The following KLHL26 variants were observed in gnomAD, a reference collection of about 807,000 sequenced individuals.
KLHL26 encodes the protein kelch-like protein 26.
Under a neutral mutation model 7.1 loss-of-function variants are expected in KLHL26, and 4 were observed. The observed-to-expected ratio is 0.56, with a 90% CI of 0.28 to 1.28. KLHL26 has a LOEUF of 1.28. Among genes scored for constraint, KLHL26 ranks in the 50% most tolerant of loss-of-function variants. The pLI is 0.11. For missense variants in KLHL26, 896 were observed against 924.6 expected (o/e 0.97, Z 0.40); for synonymous variants, 465 against 414.1 (o/e 1.12, Z -1.49).
chr19:18,666,178 G>A (rs1238045684), intron 2 of KLHL26, among the ~76,000 whole-genome samples: 1 of 152,190 alleles, frequency 6.6e-6, no homozygotes, highest in Non-Finnish European at 1.5e-5. Flanking sequence ...AGCTGGCAGC[G>A]TACTTACTGC....
rs2052504138 is a variant in KLHL26 at position 18,669,543 on chromosome 19, G to A, written c.*298G>A. The stretch of plus-strand genomic sequence containing the variant: ...CCCGAGTCCCCACGGGCTGGCGGGT[G>A]GAATCCCAGGTCTCCAGGGGGTCCC... On this transcript the variant is annotated 3_prime_UTR_variant, in exon 3 of 3. Transcript: ENST00000300976. The A allele has an allele frequency of 5.3e-6, 3 of 560,806 alleles. No individual in the cohort carries two copies. Among genetic ancestry groups the A allele is most frequent in the Admixed American group, 3.4e-5 (1 of 29,088 alleles). The allele number at this position is 560,806 out of a possible 1,614,324, so 34.7% of individuals were successfully genotyped here. A position where few individuals can be genotyped will look rare whatever the true frequency, so the allele number is the denominator to read the frequency against.
rs1460997342 is a variant in KLHL26, at chr19:18,668,580, C to T, written c.1183C>T (p.Arg395Cys). The change falls in exon 3 of 3, where the codon CGC becomes TGC. Residue 395 changes from arginine to cysteine, a missense_variant. Transcript: ENST00000300976. ...CGACCCCCACCTGAATCGCTGGCTG[C>T]GCCTGCAGGCCATGCAGGAAAGCCG... ...RYDPHLNRWL[R>C]LQAMQESRIQ... The T allele has an allele frequency of 1.6e-5, 26 of 1,590,422 alleles. No individual in the cohort carries two copies. The highest frequency in any genetic ancestry group is 2.2e-5 in the East Asian group (1 of 44,560).
intron 1 of KLHL26, among the ~76,000 whole-genome samples, chr19:18,638,658 G>T (rs1976660149): frequency 6.6e-6 from 1 of 152,204 alleles, no homozygotes. Context: ...CCCTGCCTTG[G>T]GCACTGGAGT....
chr19:18,654,800 C>T (rs2052313017), intron 1 of KLHL26, among the ~76,000 whole-genome samples: 1 of 152,158 alleles, frequency 6.6e-6, no homozygotes, highest in African/African-American at 2.4e-5. Flanking sequence ...CATCTACCCA[C>T]CCATTCATCT....
rs1199525168 is a variant in KLHL26, at chr19:18,669,127, T to A, written c.1730T>A (p.Ile577Asn). Residue 577 changes from isoleucine (I) to asparagine (N), a missense_variant, in exon 3 of 3, where the codon ATC becomes AAC. By Grantham distance (149) the Ile-to-Asn change is moderately radical. Transcript: ENST00000300976. The stretch of plus-strand genomic sequence containing the variant: ...TGGCGTCTCAACAACGTCACGGGCA[T>A]CGTACAGGTGTACAACACGGACACC... Reference protein sequence around the residue: ...YNWRLNNVTGIVQVYNTDTDE... With the variant: ...YNWRLNNVTGNVQVYNTDTDE... 22 of 1,612,784 alleles carry A rather than the reference T, an allele frequency of 1.4e-5. No homozygotes were observed. The highest frequency in any genetic ancestry group is 1.9e-5 in the Non-Finnish European group (22 of 1,179,976).
rs180956581 is a variant in KLHL26, at chr19:18,668,180, G to C, written c.783G>C (p.Leu261=). Residue 261 remains leucine (L), a synonymous_variant, in exon 3 of 3, where the codon CTG becomes CTC. Coordinates refer to ENST00000300976, the MANE Select transcript of KLHL26 (RefSeq NM_018316.3). The part of the protein sequence containing the change: ...IRFPLMQSSE[L]VDSVQTLDIM... ...TCCCGCTCATGCAGTCGTCCGAGCTGGTGGACAGCGTGCAGACGCTGGACA... is the reference window on the plus strand; with the variant it reads ...TCCCGCTCATGCAGTCGTCCGAGCTCGTGGACAGCGTGCAGACGCTGGACA... 1 of 1,610,956 alleles carries C rather than the reference G, an allele frequency of 6.2e-7. No homozygotes were observed. The highest frequency in any genetic ancestry group is 1.3e-5 in the African/African-American group (1 of 75,046).
At position 18,668,855 on chromosome 19, in the gene KLHL26, C is replaced by G. The variant is rs773088615; in HGVS notation, c.1458C>G (p.Asp486Glu). Reference protein sequence around the residue: ...KALHCYDPVADQWEFKAPMSE... With the variant: ...KALHCYDPVAEQWEFKAPMSE... Reference sequence around the variant, plus strand: ...TGCACTGCTACGACCCCGTGGCCGACCAGTGGGAGTTCAAGGCGCCCATGA... The same window carrying G: ...TGCACTGCTACGACCCCGTGGCCGAGCAGTGGGAGTTCAAGGCGCCCATGA... The change falls in exon 3 of 3, where the codon GAC (aspartate) becomes GAG (glutamate). Residue 486 changes from aspartate (D) to glutamate (E), a missense_variant. Asp to Glu is a conservative substitution (Grantham distance 45). Coordinates refer to ENST00000300976, the MANE Select transcript of KLHL26 (RefSeq NM_018316.3). 6.3e-7 allele frequency: 1 copy of G among 1,592,894 alleles called. No individual in the cohort carries two copies. Among genetic ancestry groups the G allele is most frequent in the Non-Finnish European group, 8.5e-7 (1 of 1,175,332 alleles).
At chr19:18,639,786 A>G (rs985453440) in intron 1 of KLHL26, among the ~76,000 whole-genome samples, 4 of 151,578 alleles carry the variant, frequency 2.6e-5, no homozygotes, top group Non-Finnish European at 5.9e-5. Flanking sequence ...TGCTTCCATC[A>G]CCCCAAAGAG....
chr19:18,643,547 C>T (rs190893788), intron 1 of KLHL26, among the ~76,000 whole-genome samples: 16 of 151,882 alleles, frequency 1.1e-4, no homozygotes, highest in African/African-American at 2.7e-4. Context: ...GGCATGATCT[C>T]GGTTCACCAA....
intron 1 of KLHL26, among the ~76,000 whole-genome samples, chr19:18,640,096 T>G (rs1274742324): frequency 6.6e-6 from 1 of 151,640 alleles, no homozygotes; most frequent in Non-Finnish European, 1.5e-5. Context: ...GTTGATGGAC[T>G]GTTGGGTTGT....
chr19:18,650,880 G>T lies in KLHL26; in HGVS notation c.84-13381G>T, dbSNP rs566040902. On this transcript the variant is annotated intron_variant, in intron 1 of 2. Transcript: ENST00000300976. The surrounding 1 kb of genome is among the most constrained non-coding windows in gnomAD (Gnocchi z 4.2). ...ACTCGCCCTCAGAATGGCCCTCAGC[G>T]GGGCTTCCTGACCCCTCAGCCCCGG... Among the ~76,000 whole-genome samples the T allele has an allele frequency of 2.6e-5, 4 of 152,246 alleles. No homozygotes were observed. The highest frequency in any genetic ancestry group is 9.6e-5 in the African/African-American group (4 of 41,552).
chr19:18,667,635 C>G (rs10421503), intron 2 of KLHL26, 29 bp from the exon 3 acceptor site: 1,013,257 of 1,586,080 alleles, frequency 0.64, 327,745 homozygotes, highest in African/African-American at 0.91. Context: ...CAGCCACTGC[C>G]AGCCACACGT....
At chr19:18,666,345 C>T (rs2052447671) in intron 2 of KLHL26, among the ~76,000 whole-genome samples, 1 of 152,146 alleles carries the variant, frequency 6.6e-6, no homozygotes, top group East Asian at 1.9e-4. Flanking sequence ...GGGTCAAATG[C>T]ACAAGGGATG....
chr19:18,668,573 C>G lies in KLHL26; in HGVS notation c.1176C>G (p.Arg392=). The change falls in exon 3 of 3, where the codon CGC becomes CGG. Residue 392 remains arginine, a synonymous_variant. Coordinates refer to ENST00000300976, the MANE Select transcript of KLHL26 (RefSeq NM_018316.3). The stretch of plus-strand genomic sequence containing the variant: ...ACCGCTACGACCCCCACCTGAATCG[C>G]TGGCTGCGCCTGCAGGCCATGCAGG... ...ACYRYDPHLN[R]WLRLQAMQES... is the part of the protein sequence containing the mutation. 4 of 1,591,442 alleles carry G rather than the reference C, an allele frequency of 2.5e-6. No individual in the cohort carries two copies. The highest frequency in any genetic ancestry group is 3.4e-6 in the Non-Finnish European group (4 of 1,173,770).
rs1345056593 is a variant in KLHL26 at position 18,668,494 on chromosome 19, C to T, written c.1097C>T (p.Ala366Val). The T allele has an allele frequency of 6.2e-7, 1 of 1,606,480 alleles. No individual in the cohort carries two copies. The highest frequency in any genetic ancestry group is 8.5e-7 in the Non-Finnish European group (1 of 1,177,964). Reference protein sequence around the residue: ...VAVLDNFVYVAGGQHLQYRSG... With the variant: ...VAVLDNFVYVVGGQHLQYRSG... ...GTGCTGGACAATTTTGTGTACGTGGCCGGGGGGCAGCACCTGCAGTACCGC... is the reference window on the plus strand; with the variant it reads ...GTGCTGGACAATTTTGTGTACGTGGTCGGGGGGCAGCACCTGCAGTACCGC... The change falls in exon 3 of 3, where the codon GCC becomes GTC. Residue 366 changes from alanine to valine, a missense_variant. By Grantham distance (64) the Ala-to-Val change is moderately conservative. Coordinates refer to ENST00000300976, the MANE Select transcript of KLHL26 (RefSeq NM_018316.3).
At chr19:18,644,978 G>C (rs1177571245) in intron 1 of KLHL26, among the ~76,000 whole-genome samples, 1 of 151,940 alleles carries the variant, frequency 6.6e-6, no homozygotes, top group Non-Finnish European at 1.5e-5. Context: ...TCTGTCTTCT[G>C]CAACCGAGGG....
At chr19:18,658,921 G>C (rs1016777726) in intron 1 of KLHL26, among the ~76,000 whole-genome samples, 4 of 141,818 alleles carry the variant, frequency 2.8e-5, no homozygotes, top group Non-Finnish European at 6.1e-5. Context: ...CTGGGTCTCT[G>C]TCTGTCCCCC....
chr19:18,663,980 G>A (rs752981), intron 1 of KLHL26, among the ~76,000 whole-genome samples: 2 of 151,932 alleles, frequency 1.3e-5, no homozygotes, highest in African/African-American at 4.8e-5. Flanking sequence ...GATTCACAGT[G>A]GTATGCAAAC....
In KLHL26 at chr19:18,669,692, T is replaced by C. The variant is rs1481562710; in HGVS notation, c.*447T>C. 1 of 233,054 alleles carries C rather than the reference T, an allele frequency of 4.3e-6. No individual in the cohort carries two copies. Among genetic ancestry groups the C allele is most frequent in the Non-Finnish European group, 8.3e-6 (1 of 120,808 alleles). 14.4% of individuals were successfully genotyped at this position (233,054 alleles called of 1,614,324 possible). A position where few individuals can be genotyped will look rare whatever the true frequency, so the allele number is the denominator to read the frequency against. ...TGACTCACCCTCCTTCCAAGTCTCC[T>C]GCGCGCGTGTTTTTAAAATAAACTC... On this transcript the variant is annotated 3_prime_UTR_variant, in exon 3 of 3. Transcript: ENST00000300976.
Sources: allele counts gnomAD v4.1 joint callset (sites outside exome capture counted in the v4.1 genomes callset), GRCh38; gene constraint gnomAD v4.1.1; non-coding constraint Gnocchi (gnomAD v3.1); transcripts MANE v1.5; gene names NCBI Gene and HGNC (gene_info 2026-07-23, HGNC 2026-07-21).